NPNT: variants seen among roughly 807,000 people sequenced by gnomAD.
The protein encoded by NPNT is nephronectin, also known as preosteoblast EGF-like repeat protein with MAM domain.
Under a neutral mutation model 68.6 loss-of-function variants are expected in NPNT, and 45 were observed. The ratio of observed to expected loss-of-function variants is 0.66; its 90% confidence interval spans 0.52 to 0.84. The LOEUF (loss-of-function observed/expected upper bound fraction) is 0.84. Ranked by LOEUF, NPNT falls within the 40% of genes least tolerant of loss-of-function variation. The probability of loss-of-function intolerance (pLI) is 0.00; values close to 1 mark genes in which losing one functional copy is unlikely to be tolerated. For missense variants in NPNT, 672 were observed against 714.8 expected, an observed-to-expected ratio of 0.94 and a Z score of 0.68; for synonymous variants, 233 against 253.3, an observed-to-expected ratio of 0.92 and a Z score of 0.76.
rs371040349 is a variant in NPNT, at chr4:105,940,207, A to G, written c.638A>G (p.His213Arg). The G allele has an allele frequency of 1.1e-5, 18 of 1,613,160 alleles. No homozygotes were observed. Among genetic ancestry groups the G allele is most frequent in the African/African-American group, 1.1e-4 (8 of 74,918 alleles). Residue 213 changes from histidine (H) to arginine (R), a missense_variant and splice_region_variant, in exon 6 of 12, where the codon CAT becomes CGT. By Grantham distance (29) the His-to-Arg change is conservative. Transcript: ENST00000379987. ...TATATTGGAGGCAAATATCAATGTC[A>G]TGGTAATGAAACCCAACCATTGCTT... ...LMYIGGKYQC[H>R]DIDECSLGQY...
At chr4:105,917,827 T>C (rs962442165) in intron 2 of NPNT, among the ~76,000 whole-genome samples, 39 of 152,164 alleles carry the variant, frequency 2.6e-4, no homozygotes, top group African/African-American at 9.4e-4. Flanking sequence ...GTGAATGTGA[T>C]TGGAAATGAG....
In NPNT at chr4:105,897,902, T is replaced by G. The variant is rs903574687; in HGVS notation, c.73T>G (p.Trp25Gly). The G allele has an allele frequency of 2.0e-5, 33 of 1,610,012 alleles. No homozygotes were observed. Among genetic ancestry groups the G allele is most frequent in the Non-Finnish European group, 2.7e-5 (32 of 1,176,408 alleles). Residue 25 changes from tryptophan to glycine, a missense_variant and splice_region_variant, in exon 2 of 12, where the codon TGG becomes GGG. Physicochemically the swap from Trp to Gly is radical, Grantham distance 184 (BLOSUM62 -2). Transcript: ENST00000379987. ...LQAAAEFDGR[W>G]PRQIVSSIGL... ...ATTTTGAATCTTTTTTTTTGGTAGGTGGCCCAGGCAAATAGTGTCATCGAT... is the reference window on the plus strand; with the variant it reads ...ATTTTGAATCTTTTTTTTTGGTAGGGGGCCCAGGCAAATAGTGTCATCGAT...
intron 2 of NPNT, among the ~76,000 whole-genome samples, chr4:105,920,395 T>TAAAAAAAAAAAA (rs11355483): frequency 8.8e-5 from 7 of 79,460 alleles, no homozygotes; most frequent in African/African-American, 3.6e-4. Flanking sequence ...GTTACTCTAC[T>TAAAAAAAAAAAA]AAAAAAAAAA....
chr4:105,932,102 T>C (rs1729159259), intron 3 of NPNT, among the ~76,000 whole-genome samples: 1 of 152,242 alleles, frequency 6.6e-6, no homozygotes, highest in South Asian at 2.1e-4. Flanking sequence ...TCTATTATGC[T>C]GTTATTTAAA....
rs757537584 is a variant in NPNT at position 105,938,423 on chromosome 4, G to A, written c.505+3G>A. On this transcript the variant is annotated splice_donor_region_variant and intron_variant, in intron 5 of 11. Coordinates refer to ENST00000379987, the MANE Select transcript of NPNT (RefSeq NM_001033047.3). ...TCCTGATGGGAGGACCTGTGTAGGT[G>A]AGTTGTAAAATCAAGCATCTCTGTC... The A allele has an allele frequency of 3.1e-6, 5 of 1,612,246 alleles. No individual in the cohort carries two copies. The highest frequency in any genetic ancestry group is 1.7e-5 in the Admixed American group (1 of 59,636).
intron 2 of NPNT, among the ~76,000 whole-genome samples, chr4:105,899,167 C>T (rs1157744137): frequency 3.9e-5 from 6 of 152,174 alleles, no homozygotes; most frequent in Admixed American, 1.3e-4. Flanking sequence ...GGGACAGTGA[C>T]AGTCACAGAT....
chr4:105,961,012 T>A (rs1321544420), intron 10 of NPNT, among the ~76,000 whole-genome samples: 1 of 152,218 alleles, frequency 6.6e-6, no homozygotes, highest in African/African-American at 2.4e-5. Flanking sequence ...ACTTTGCATT[T>A]CTTCTATTGT....
At chr4:105,959,480 G>A (rs1731506587) in intron 10 of NPNT, among the ~76,000 whole-genome samples, 1 of 151,044 alleles carries the variant, frequency 6.6e-6, no homozygotes, top group African/African-American at 2.4e-5. Flanking sequence ...TATCAGCCAT[G>A]GTAATAGGCA....
intron 8 of NPNT, among the ~76,000 whole-genome samples, chr4:105,954,600 C>T (rs1223741293): frequency 6.6e-6 from 1 of 152,140 alleles, no homozygotes; most frequent in Non-Finnish European, 1.5e-5. Flanking sequence ...AGCTCCTGCA[C>T]ACTCTGCCTC....
intron 3 of NPNT, among the ~76,000 whole-genome samples, chr4:105,932,173 G>A (rs1729170011): frequency 6.6e-6 from 1 of 151,392 alleles, no homozygotes; most frequent in Non-Finnish European, 1.5e-5. Flanking sequence ...AACTACTATT[G>A]TACAACGTGA....
chr4:105,919,128 C>T (rs1338657752), intron 2 of NPNT, among the ~76,000 whole-genome samples: 2 of 152,040 alleles, frequency 1.3e-5, no homozygotes. Context: ...TATTGTACTC[C>T]TTTTTATATA....
chr4:105,912,292 C>A, intron 2 of NPNT: 1 of 1,152,788 alleles, frequency 8.7e-7, no homozygotes, highest in Non-Finnish European at 1.2e-6. Flanking sequence ...TCTTGAAAGG[C>A]ATACCTTCTA....
intron 2 of NPNT, among the ~76,000 whole-genome samples, chr4:105,915,795 T>G (rs1227876797): frequency 6.6e-6 from 1 of 152,218 alleles, no homozygotes; most frequent in African/African-American, 2.4e-5. Flanking sequence ...GGGTGAGATC[T>G]GAACAGAACA....
Position 105,969,286 on chromosome 4 carries a change from T to TCTAGTTCTAGCTCTGGCTCTGCTATTAA in NPNT, c.*297_*298insTAGTTCTAGCTCTGGCTCTGCTATTAAC. 3.9e-6 allele frequency: 1 copy of TCTAGTTCTAGCTCTGGCTCTGCTATTAA among 255,310 alleles called. No homozygotes were observed. The highest frequency in any genetic ancestry group is 7.5e-6 in the Non-Finnish European group (1 of 132,862). 15.8% of individuals were successfully genotyped at this position (255,310 alleles called of 1,614,324 possible). The stretch of plus-strand genomic sequence containing the variant: ...TCAGCATGCGTGAGCCATACCATCC[T>TCTAGTTCTAGCTCTGGCTCTGCTATTAA]CCATCCTGATTACAAGGTGCTCCTT... On this transcript the variant is annotated 3_prime_UTR_variant, in exon 12 of 12. Coordinates refer to ENST00000379987, the MANE Select transcript of NPNT (RefSeq NM_001033047.3).
At chr4:105,965,446 C>A (rs1044662465) in intron 10 of NPNT, among the ~76,000 whole-genome samples, 1 of 150,952 alleles carries the variant, frequency 6.6e-6, no homozygotes, top group African/African-American at 2.4e-5. Flanking sequence ...CCTCATTTAT[C>A]ATGTTGTAAA....
chr4:105,919,552 T>A (rs1258576449), intron 2 of NPNT, among the ~76,000 whole-genome samples: 1 of 152,160 alleles, frequency 6.6e-6, no homozygotes, highest in African/African-American at 2.4e-5. Context: ...GACATTCCTC[T>A]TTAATTTAAT....
chr4:105,932,688 A>G (rs1011911758), intron 3 of NPNT: 3 of 1,535,790 alleles, frequency 2.0e-6, no homozygotes, highest in Non-Finnish European at 2.6e-6. Context: ...CCAAGCCACA[A>G]GTTTGCCTTC....
At position 105,942,493 on chromosome 4, in the gene NPNT, G is replaced by C; in HGVS notation, c.950G>C (p.Arg317Thr). 1 of 1,613,626 alleles carries C rather than the reference G, an allele frequency of 6.2e-7. No homozygotes were observed. Among genetic ancestry groups the C allele is most frequent in the Non-Finnish European group, 8.5e-7 (1 of 1,179,890 alleles). ...TNRPTSKPTT[R>T]PTPKPTPIPT... is the part of the protein sequence containing the mutation. ...AGGCCTACTTCTAAGCCAACAACAA[G>C]ACCTACACCAAAGCCAACACCAATT... Residue 317 changes from arginine to threonine, a missense_variant, in exon 8 of 12, where the codon AGA (arginine) becomes ACA (threonine). Arg to Thr is a moderately conservative substitution (Grantham distance 71). Transcript: ENST00000379987.
At chr4:105,921,408 G>C (rs28505995) in intron 2 of NPNT, among the ~76,000 whole-genome samples, 11,121 of 152,196 alleles carry the variant, frequency 0.073, 733 homozygotes, top group African/African-American at 0.18. Flanking sequence ...GATAGTGTCT[G>C]CCTCTCTCCT....
Sources: allele counts gnomAD v4.1 joint callset (sites outside exome capture counted in the v4.1 genomes callset), GRCh38; gene constraint gnomAD v4.1.1; transcripts MANE v1.5; gene names NCBI Gene and HGNC (gene_info 2026-07-23, HGNC 2026-07-21).